The following OGG1 variants were observed in gnomAD, a reference collection of about 807,000 sequenced individuals.
OGG1 encodes N-glycosylase/DNA lyase.
A neutral mutation model predicts 42.3 loss-of-function variants in OGG1; 35 were observed. The observed-to-expected ratio is 0.83, with a 90% CI of 0.63 to 1.10. The LOEUF is 1.10. Ranked by LOEUF, OGG1 falls within the 50% of genes least tolerant of loss-of-function variation. OGG1 has a pLI of 0.00. For missense variants in OGG1, 484 were observed against 446.7 expected, an observed-to-expected ratio of 1.08 and a Z score of -0.75; for synonymous variants, 189 against 179.0, an observed-to-expected ratio of 1.06 and a Z score of -0.44.
At chr3:9,788,539 C>G (rs1163620346), downstream of OGG1, among the ~76,000 whole-genome samples, 2 of 148,868 alleles carry the variant, frequency 1.3e-5, no homozygotes, top group Admixed American at 6.7e-5. Flanking sequence ...GCCACCGCAC[C>G]CGGCTTTTTT....
downstream of OGG1, among the ~76,000 whole-genome samples, chr3:9,790,955 G>A (rs373504974): frequency 9.9e-5 from 15 of 152,228 alleles, 1 homozygote; most frequent in African/African-American, 3.6e-4. Flanking sequence ...TTTCCTAGTT[G>A]CCAAGCTCCC....
intron 3 of OGG1, among the ~76,000 whole-genome samples, chr3:9,784,821 G>A (rs1164924978): frequency 4.0e-5 from 6 of 149,918 alleles, no homozygotes; most frequent in East Asian, 3.9e-4. Flanking sequence ...CCAAGATTGC[G>A]CCATTGCGCT....
At chr3:9,752,776 C>T (rs888690238) in intron 3 of OGG1, among the ~76,000 whole-genome samples, 3 of 152,284 alleles carry the variant, frequency 2.0e-5, no homozygotes, top group Middle Eastern at 3.4e-3. Flanking sequence ...CCTGGCCGGG[C>T]GTGGTGGCTC....
chr3:9,760,457 A>G (rs2077801292), downstream of OGG1: 1 of 544,004 alleles, frequency 1.8e-6, no homozygotes, highest in Non-Finnish European at 3.3e-6. Flanking sequence ...ATGAATGCCT[A>G]GTTTCTCACT....
At chr3:9,762,866 G>A in intron 7 of OGG1, 2 of 1,595,164 alleles carry the variant, frequency 1.3e-6, no homozygotes, top group Non-Finnish European at 1.7e-6. Flanking sequence ...GGTTTGCAAA[G>A]GCCCCACCCC....
At chr3:9,789,105 G>C (rs983939568), downstream of OGG1, among the ~76,000 whole-genome samples, 1 of 152,190 alleles carries the variant, frequency 6.6e-6, no homozygotes, top group African/African-American at 2.4e-5. Flanking sequence ...CAAAGTGCTA[G>C]GATTGCAGGC....
At chr3:9,764,144 C>A (rs1187460191) in intron 7 of OGG1, among the ~76,000 whole-genome samples, 1 of 152,188 alleles carries the variant, frequency 6.6e-6, no homozygotes, top group Admixed American at 6.5e-5. Flanking sequence ...CCTCTCTGAA[C>A]CTCAGTTTCT....
In OGG1 at chr3:9,757,073, G is replaced by A; in HGVS notation, c.961G>A (p.Ala321Thr). 6.2e-7 allele frequency: 1 copy of A among 1,614,072 alleles called. No individual in the cohort carries two copies. The highest frequency in any genetic ancestry group is 8.5e-7 in the Non-Finnish European group (1 of 1,180,032). The part of the protein sequence containing the change: ...AGWAQAVLFS[A>T]DLRQSRHAQE... ...CACCCTCCTACAGGTGCTGTTCAGTGCCGACCTGCGCCAATCCCGCCATGC... is the reference window on the plus strand; with the variant it reads ...CACCCTCCTACAGGTGCTGTTCAGTACCGACCTGCGCCAATCCCGCCATGC... Residue 321 changes from alanine (A) to threonine (T), a missense_variant, in exon 7 of 7, where the codon GCC becomes ACC. By Grantham distance (58) the Ala-to-Thr change is moderately conservative (BLOSUM62 0). Coordinates refer to ENST00000344629, the MANE Select transcript of OGG1 (RefSeq NM_002542.6). The surrounding 1 kb of genome is among the most constrained non-coding windows in gnomAD (Gnocchi z 4.5).
downstream of OGG1, chr3:9,761,371 G>A: frequency 1.5e-6 from 2 of 1,326,742 alleles, no homozygotes; most frequent in Admixed American, 2.2e-5. Context: ...AAGGAAGGGA[G>A]GGCAGAGGGA....
Position 9,751,120 on chromosome 3 carries a change from A to G in OGG1, c.313A>G (p.Thr105Ala), listed in dbSNP as rs2077282934. The G allele has an allele frequency of 1.9e-6, 3 of 1,614,084 alleles. No homozygotes were observed. The highest frequency in any genetic ancestry group is 2.5e-6 in the Non-Finnish European group (3 of 1,179,994). ...AVRKYFQLDV[T>A]LAQLYHHWGS... ...GCGCAAGTACTTCCAGCTAGATGTT[A>G]CCCTGGCTCAACTGTATCACCACTG... The change falls in exon 2 of 7, where the codon ACC becomes GCC. Residue 105 changes from threonine to alanine, a missense_variant. Transcript: ENST00000344629.
intron 3 of OGG1, chr3:9,787,006 C>T (rs1277993137): frequency 1.2e-6 from 2 of 1,613,848 alleles, no homozygotes; most frequent in African/African-American, 1.3e-5. Context: ...GGCTGCTCAC[C>T]TCCACCAGGG....
chr3:9,785,852 T>C (rs2078595121), intron 3 of OGG1, among the ~76,000 whole-genome samples: 1 of 152,080 alleles, frequency 6.6e-6, no homozygotes, highest in Non-Finnish European at 1.5e-5. Flanking sequence ...TGACAAGTTC[T>C]CTCCAGGGGA....
At chr3:9,750,868 A>C in intron 1 of OGG1, 77 bp from the exon 2 acceptor site, 1 of 1,542,340 alleles carries the variant, frequency 6.5e-7, no homozygotes, top group Non-Finnish European at 8.9e-7. Context: ...ACATGGAGCT[A>C]TTGTAGGATA....
chr3:9,750,341 A>G lies in OGG1; in HGVS notation c.55A>G (p.Thr19Ala). Residue 19 changes from threonine to alanine, a missense_variant, in exon 1 of 7, where the codon ACT becomes GCT. Transcript: ENST00000344629. ...RRMGHRTLASTPALWASIPCP... is the reference protein window; with the variant it reads ...RRMGHRTLASAPALWASIPCP... ...CATGGGGCATCGTACTCTAGCCTCCACTCCTGCCCTGTGGGCCTCCATCCC... is the reference window on the plus strand; with the variant it reads ...CATGGGGCATCGTACTCTAGCCTCCGCTCCTGCCCTGTGGGCCTCCATCCC... 3.1e-6 allele frequency: 5 copies of G among 1,613,656 alleles called. No homozygotes were observed. Among genetic ancestry groups the G allele is most frequent in the Non-Finnish European group, 3.4e-6 (4 of 1,179,940 alleles).
Position 9,754,900 on chromosome 3 carries a change from G to T in OGG1, c.747+15G>T. ...TGGGCACCAAGGTGAGGCCCCAGGGGGTAGGAGCTGCCCTCTCTACTGACA... is the reference window on the plus strand; with the variant it reads ...TGGGCACCAAGGTGAGGCCCCAGGGTGTAGGAGCTGCCCTCTCTACTGACA... On this transcript the variant is annotated intron_variant, in intron 4 of 6. Coordinates refer to ENST00000344629, the MANE Select transcript of OGG1 (RefSeq NM_002542.6). The T allele has an allele frequency of 1.3e-6, 2 of 1,569,204 alleles. No individual in the cohort carries two copies. The highest frequency in any genetic ancestry group is 1.9e-5 in the Admixed American group (1 of 53,368).
At chr3:9,770,914 C>G (rs1265190727), downstream of OGG1, among the ~76,000 whole-genome samples, 4 of 152,200 alleles carry the variant, frequency 2.6e-5, no homozygotes, top group African/African-American at 9.6e-5. Context: ...ACTCCCTACT[C>G]CTGAATTCTT....
At chr3:9,788,016 G>A (rs981365509) in exon 4 of OGG1, 11 of 294,480 alleles carry the variant, frequency 3.7e-5, no homozygotes, top group South Asian at 3.3e-4. Context: ...GGATATGGCC[G>A]AGGAAAATGG....
Position 9,751,160 on chromosome 3 carries a change from CCCACTT to C in OGG1, c.357_362del (p.His119_Phe120del). The C allele has an allele frequency of 6.2e-7, 1 of 1,614,152 alleles. No individual in the cohort carries two copies. Among genetic ancestry groups the C allele is most frequent in the Non-Finnish European group, 8.5e-7 (1 of 1,180,030 alleles). ...TATCACCACTGGGGTTCCGTGGACTCCCACTTCCAAGAGGTGGCTCAGAAATTCCAA... is the reference window on the plus strand; with the variant it reads ...TATCACCACTGGGGTTCCGTGGACTCCCAAGAGGTGGCTCAGAAATTCCAA... On this transcript the variant is annotated inframe_deletion, in exon 2 of 7. Transcript: ENST00000344629.
chr3:9,750,187 C>T lies in OGG1; in HGVS notation c.-100C>T. The T allele has an allele frequency of 1.4e-6, 2 of 1,435,688 alleles. No individual in the cohort carries two copies. The highest frequency in any genetic ancestry group is 1.3e-5 in the South Asian group (1 of 77,798). 88.9% of individuals were successfully genotyped at this position (1,435,688 alleles called of 1,614,324 possible). Reference sequence around the variant, plus strand: ...GTTAAACAGCACCGTGTGGGCGAGGCCTTAAGGGTCGTGGTCCTTGTCTGG... The same window carrying T: ...GTTAAACAGCACCGTGTGGGCGAGGTCTTAAGGGTCGTGGTCCTTGTCTGG... On this transcript the variant is annotated 5_prime_UTR_variant, in exon 1 of 7. Coordinates refer to ENST00000344629, the MANE Select transcript of OGG1 (RefSeq NM_002542.6).
Sources: gnomAD v4.1 joint callset for allele counts (sites outside exome capture counted in the v4.1 genomes callset) on GRCh38, gnomAD v4.1.1 for gene constraint, Gnocchi (gnomAD v3.1) non-coding constraint, MANE v1.5 for transcripts, NCBI Gene and HGNC (gene_info 2026-07-23, HGNC 2026-07-21) for gene names.